Variants in ZNF541 observed in about 807,000 individuals in gnomAD.
The protein encoded by ZNF541 is zinc finger protein 541.
Under a neutral mutation model 123.5 loss-of-function variants are expected in ZNF541, and 23 were observed. That is an observed-to-expected ratio of 0.19 (90% CI 0.13 to 0.26). The LOEUF is 0.26. Among genes scored for constraint, ZNF541 ranks in the 10% least tolerant of loss-of-function variants. ZNF541 has a pLI of 1.00. For synonymous variants in ZNF541, 751 were observed against 754.5 expected, an observed-to-expected ratio of 1.00 and a Z score of 0.08; for missense variants, 1,612 against 1,789.9, an observed-to-expected ratio of 0.90 and a Z score of 1.79.
Position 47,520,995 on chromosome 19 carries a change from C to T in ZNF541, c.*229G>A. On this transcript the variant is annotated 3_prime_UTR_variant, in exon 17 of 17. Transcript: ENST00000391901. ...GGAAAGAAGGGGAGAGACTATGAAC[C>T]TAAGGAGAGTGGAGCCTCCAGCACC... 3.6e-6 allele frequency: 2 copies of T among 561,128 alleles called. No individual in the cohort carries two copies. The highest frequency in any genetic ancestry group is 6.3e-6 in the Non-Finnish European group (2 of 316,810). 34.8% of individuals were successfully genotyped at this position (561,128 alleles called of 1,614,324 possible).
intron 9 of ZNF541, among the ~76,000 whole-genome samples, chr19:47,534,407 T>C (rs945764407): frequency 6.6e-6 from 1 of 152,202 alleles, no homozygotes; most frequent in Non-Finnish European, 1.5e-5. Context: ...TCCCAGCACT[T>C]TGGGAGGCCG....
intron 3 of ZNF541, among the ~76,000 whole-genome samples, chr19:47,552,185 A>C (rs545567079): frequency 1.3e-5 from 2 of 152,292 alleles, no homozygotes; most frequent in East Asian, 3.9e-4. Flanking sequence ...GGAAATAATA[A>C]TTTATCAGGG....
chr19:47,564,756 C>T (rs1305048659), intron 2 of ZNF541, among the ~76,000 whole-genome samples: 1 of 152,186 alleles, frequency 6.6e-6, no homozygotes, highest in Non-Finnish European at 1.5e-5. Flanking sequence ...GTGGACATTC[C>T]TTAAAGAACA....
At chr19:47,547,218 G>C (rs1396914547) in intron 4 of ZNF541, among the ~76,000 whole-genome samples, 1 of 152,094 alleles carries the variant, frequency 6.6e-6, no homozygotes, top group Non-Finnish European at 1.5e-5. Flanking sequence ...AAAGGAATCT[G>C]TGCCTTACCG....
At chr19:47,552,938 G>A (rs913591020) in intron 3 of ZNF541, among the ~76,000 whole-genome samples, 4 of 150,488 alleles carry the variant, frequency 2.7e-5, no homozygotes, top group African/African-American at 4.9e-5. Flanking sequence ...GTGAAACCCC[G>A]TCTCTACTAA....
chr19:47,538,002 T>A (rs972665787), intron 9 of ZNF541, 140 bp downstream of exon 9: 3 of 1,005,694 alleles, frequency 3.0e-6, no homozygotes, highest in African/African-American at 3.2e-5. Context: ...CTGGGGCACA[T>A]CTGAATAGCA....
At chr19:47,532,543 C>T (rs555124357) in intron 10 of ZNF541, among the ~76,000 whole-genome samples, 6 of 152,178 alleles carry the variant, frequency 3.9e-5, no homozygotes, top group African/African-American at 7.2e-5. Context: ...AGCTGACACC[C>T]GGCATGTGTC....
chr19:47,555,957 G>A lies in ZNF541; in HGVS notation c.-98-3C>T. 8.4e-7 allele frequency: 1 copy of A among 1,196,242 alleles called. No homozygotes were observed. The highest frequency in any genetic ancestry group is 1.2e-6 in the Non-Finnish European group (1 of 868,306). 74.1% of individuals were successfully genotyped at this position (1,196,242 alleles called of 1,614,324 possible). On this transcript the variant is annotated splice_polypyrimidine_tract_variant and splice_region_variant and intron_variant, in intron 2 of 16. Transcript: ENST00000391901. ...GAGCCCTTGATGGCAACTAATTCCT[G>A]AAAATGAAGCAAGAAGAATGAAAGT...
In ZNF541 at chr19:47,545,563, G is replaced by A. The variant is rs1473797329; in HGVS notation, c.966C>T (p.Gly322=). 1 of 1,540,064 alleles carries A rather than the reference G, an allele frequency of 6.5e-7. No individual in the cohort carries two copies. Among genetic ancestry groups the A allele is most frequent in the South Asian group, 1.2e-5 (1 of 83,096 alleles). ...SSGSSSCTPA[G]PHAAPAALDT... ...CCAGCGCTGCTGGGGCCGCGTGGGG[G>A]CCGGCTGGGGTGCAGGACGAGGACC... The change falls in exon 5 of 17, where the codon GGC becomes GGT. Residue 322 remains glycine (G), a synonymous_variant. Coordinates refer to ENST00000391901, the MANE Select transcript of ZNF541 (RefSeq NM_001277075.3). This position sits in a 1 kb window ranked among gnomAD's most constrained non-coding sequence, Gnocchi z 7.5.
At chr19:47,537,325 A>C (rs1280809043) in intron 9 of ZNF541, among the ~76,000 whole-genome samples, 1 of 152,160 alleles carries the variant, frequency 6.6e-6, no homozygotes, top group Non-Finnish European at 1.5e-5. Context: ...GCACTTTGGG[A>C]GGCTGAGGAG....
At position 47,555,694 on chromosome 19, in the gene ZNF541, C is replaced by A. The variant is rs1246190192; in HGVS notation, c.163G>T (p.Asp55Tyr). 1 of 1,551,612 alleles carries A rather than the reference C, an allele frequency of 6.4e-7. No individual in the cohort carries two copies. The highest frequency in any genetic ancestry group is 2.4e-5 in the East Asian group (1 of 40,932). Residue 55 changes from aspartate to tyrosine, a missense_variant, in exon 3 of 17, where the codon GAC (aspartate) becomes TAC (tyrosine). Asp to Tyr is a radical substitution (Grantham distance 160). This residue lies in a region of ZNF541 where 212 missense variants were observed against 289.6 expected (regional missense o/e 0.73). Coordinates refer to ENST00000391901, the MANE Select transcript of ZNF541 (RefSeq NM_001277075.3). ...ATGTCAGGCGTTGGGAGGCTGGGGTCCGGGTCCAGACCACTCAGGCCAGCA... is the reference window on the plus strand; with the variant it reads ...ATGTCAGGCGTTGGGAGGCTGGGGTACGGGTCCAGACCACTCAGGCCAGCA... Reference protein sequence around the residue: ...LYAGLSGLDPDPSLPTPDMSS... With the variant: ...LYAGLSGLDPYPSLPTPDMSS...
intron 3 of ZNF541, among the ~76,000 whole-genome samples, chr19:47,550,847 G>A (rs2075683671): frequency 2.0e-5 from 3 of 152,026 alleles, no homozygotes; most frequent in Non-Finnish European, 4.4e-5. Context: ...AGCTAGGCTT[G>A]GTGAATGAAA....
Position 47,567,617 on chromosome 19 carries a change from T to C in ZNF541, c.-99+4279A>G, listed in dbSNP as rs147031481. Among the ~76,000 whole-genome samples the C allele has an allele frequency of 5.2e-3, 790 of 152,350 alleles. 16 individuals are homozygous for C. Among genetic ancestry groups the C allele is most frequent in the African/African-American group, 0.018 (731 of 41,588 alleles). ...GCTACCATATCAGATGGTGCAAATC[T>C]AGGGATTTCTCATTCAAGTTAGGCT... On this transcript the variant is annotated intron_variant, in intron 2 of 16. Transcript: ENST00000391901.
At chr19:47,542,289 G>A (rs920930315) in intron 5 of ZNF541, among the ~76,000 whole-genome samples, 9 of 152,152 alleles carry the variant, frequency 5.9e-5, no homozygotes, top group African/African-American at 2.2e-4. Context: ...AGATGAAACT[G>A]TTCTGGCAAA....
Position 47,555,850 on chromosome 19 carries a change from G to A in ZNF541, c.7C>T (p.Gln3Ter). The change falls in exon 3 of 17, where the codon CAG becomes TAG. Residue 3 changes from glutamine (Q) to a stop codon, truncating the protein, a stop_gained. Coordinates refer to ENST00000391901, the MANE Select transcript of ZNF541 (RefSeq NM_001277075.3). LOFTEE classifies it high-confidence loss of function. Reference sequence around the variant, plus strand: ...GCACCCTCGTCTCCAAGGCTGTACTGGTCCATGGCTCTCCACTGCCAGGTC... The same window carrying A: ...GCACCCTCGTCTCCAAGGCTGTACTAGTCCATGGCTCTCCACTGCCAGGTC... MD[Q>*]YSLGDEGALP... is the part of the protein sequence containing the mutation. The A allele has an allele frequency of 6.5e-7, 1 of 1,547,240 alleles. No homozygotes were observed. Among genetic ancestry groups the A allele is most frequent in the Non-Finnish European group, 8.7e-7 (1 of 1,144,130 alleles).
Position 47,544,909 on chromosome 19 carries a change from C to A in ZNF541, c.1620G>T (p.Gln540His), listed in dbSNP as rs1433896994. Residue 540 changes from glutamine (Q) to histidine (H), a missense_variant, in exon 5 of 17, where the codon CAG (glutamine) becomes CAT (histidine). Transcript: ENST00000391901. ...LPADASPLFRQLFLKSQEPLV... is the reference protein window; with the variant it reads ...LPADASPLFRHLFLKSQEPLV... The stretch of plus-strand genomic sequence containing the variant: ...GAGGTTCCTGCGACTTGAGGAAGAG[C>A]TGGCGGAAGAGCGGCGAGGCATCCG... The A allele has an allele frequency of 6.5e-7, 1 of 1,535,866 alleles. No individual in the cohort carries two copies. Among genetic ancestry groups the A allele is most frequent in the Admixed American group, 2.0e-5 (1 of 50,988 alleles).
At chr19:47,527,466 G>A (rs1460473403) in intron 14 of ZNF541, among the ~76,000 whole-genome samples, 1 of 152,168 alleles carries the variant, frequency 6.6e-6, no homozygotes, top group African/African-American at 2.4e-5. Context: ...TGCAATCTTG[G>A]CTCATTGCAG....
chr19:47,561,066 G>C (rs1425448517), intron 2 of ZNF541, among the ~76,000 whole-genome samples: 2 of 152,158 alleles, frequency 1.3e-5, no homozygotes, highest in African/African-American at 2.4e-5. Flanking sequence ...ACAATAAAAA[G>C]ACCAGCAGTT....
At chr19:47,547,089 TGCCCA>T (rs1297775593) in intron 4 of ZNF541, among the ~76,000 whole-genome samples, 3 of 152,218 alleles carry the variant, frequency 2.0e-5, no homozygotes, top group African/African-American at 7.2e-5. Context: ...CAAACTTATT[TGCCCA>T]GAGAACTGTT....
Sources: allele counts gnomAD v4.1 joint callset (sites outside exome capture counted in the v4.1 genomes callset), GRCh38; gene constraint gnomAD v4.1.1; regional missense constraint gnomAD v4.1.1; non-coding constraint Gnocchi (gnomAD v3.1); transcripts MANE v1.5; gene names NCBI Gene and HGNC (gene_info 2026-07-23, HGNC 2026-07-21).